The following RGS10 variants were observed in gnomAD, a reference collection of about 807,000 sequenced individuals.
RGS10 encodes the protein regulator of G protein signaling 10.
In RGS10, 11 loss-of-function variants were observed where a neutral mutation model predicts 23.5. The observed-to-expected ratio is 0.47, with a 90% CI of 0.29 to 0.77. The LOEUF is 0.77. Ranked by LOEUF, RGS10 falls within the 30% of genes least tolerant of loss-of-function variation. The pLI is 0.08. For synonymous variants in RGS10, 77 were observed against 83.2 expected, an observed-to-expected ratio of 0.92 and a Z score of 0.41; for missense variants, 180 against 226.3, an observed-to-expected ratio of 0.80 and a Z score of 1.31.
intron 1 of RGS10, among the ~76,000 whole-genome samples, chr10:119,528,467 A>G (rs1378066844): frequency 1.3e-5 from 2 of 152,100 alleles, no homozygotes; most frequent in Non-Finnish European, 2.9e-5. Context: ...ATGGCTCAGC[A>G]TCACACTGTT....
intron 1 of RGS10, among the ~76,000 whole-genome samples, chr10:119,540,173 G>A (rs1229950465): frequency 6.6e-6 from 1 of 152,148 alleles, no homozygotes; most frequent in Non-Finnish European, 1.5e-5. Context: ...GGCTATTGGA[G>A]TGGAGGCATC....
chr10:119,509,122 G>A (rs1215689547), intron 4 of RGS10, among the ~76,000 whole-genome samples: 2 of 152,072 alleles, frequency 1.3e-5, no homozygotes, highest in Non-Finnish European at 2.9e-5. Context: ...AATAGGCAGG[G>A]CGCAGTGGTT....
At position 119,513,189 on chromosome 10, in the gene RGS10, G is replaced by A. The variant is rs557452279; in HGVS notation, c.399+2320C>T. Among the ~76,000 whole-genome samples, 6 of 152,328 alleles carry A rather than the reference G, an allele frequency of 3.9e-5. No homozygotes were observed. The South Asian group carries it at 1.2e-3, about 32-fold the overall frequency. ...AAATTTTTCTGAGGCTGGGCCTGGT[G>A]GCTCTTGCCTGTAATCCCAACACTT... On this transcript the variant is annotated intron_variant, in intron 4 of 4. Transcript: ENST00000369103.
intron 4 of RGS10, 163 bp downstream of exon 4, chr10:119,515,346 G>C (rs1485569189): frequency 1.3e-6 from 1 of 763,850 alleles, no homozygotes; most frequent in Non-Finnish European, 2.1e-6. Flanking sequence ...TTAGAATTCT[G>C]GTCCCCACTC....
At chr10:119,502,624 G>A (rs575303839) in intron 4 of RGS10, among the ~76,000 whole-genome samples, 23 of 152,308 alleles carry the variant, frequency 1.5e-4, no homozygotes, top group Admixed American at 3.3e-4. Context: ...AGGCTGCTTC[G>A]GCTGGGAGGA....
intron 1 of RGS10, among the ~76,000 whole-genome samples, chr10:119,537,787 G>A (rs953603893): frequency 6.6e-6 from 1 of 152,192 alleles, no homozygotes; most frequent in African/African-American, 2.4e-5. Flanking sequence ...TTTACCAAGT[G>A]AACTGTGCTG....
At position 119,514,929 on chromosome 10, in the gene RGS10, C is replaced by T. The variant is rs1844125054; in HGVS notation, c.399+580G>A. The stretch of plus-strand genomic sequence containing the variant: ...AATGCCCATGCGTCCTTCCGACTGG[C>T]TCAAATTCACCACTTCCAGGAGGCC... On this transcript the variant is annotated intron_variant, in intron 4 of 4. Coordinates refer to ENST00000369103, the MANE Select transcript of RGS10 (RefSeq NM_001005339.2). Among the ~76,000 whole-genome samples, 3 of 152,164 alleles carry T rather than the reference C, an allele frequency of 2.0e-5. No individual in the cohort carries two copies. The South Asian group carries it at 6.2e-4, about 31-fold the overall frequency.
intron 1 of RGS10, among the ~76,000 whole-genome samples, chr10:119,532,608 G>A (rs560938499): frequency 4.6e-5 from 7 of 152,248 alleles, no homozygotes; most frequent in South Asian, 2.1e-4. Context: ...TTGGGAGGAC[G>A]AGATGGGCAG....
In RGS10 at chr10:119,527,487, A is replaced by G; in HGVS notation, c.50-63T>C. The G allele has an allele frequency of 1.5e-6, 2 of 1,297,820 alleles. No homozygotes were observed. Among genetic ancestry groups the G allele is most frequent in the Non-Finnish European group, 2.2e-6 (2 of 894,346 alleles). The allele number at this position is 1,297,820 out of a possible 1,614,324, so 80.4% of individuals were successfully genotyped here. On this transcript the variant is annotated intron_variant, in intron 1 of 4. Transcript: ENST00000369103. This position sits in a 1 kb window ranked among gnomAD's most constrained non-coding sequence, Gnocchi z 4.2. The stretch of plus-strand genomic sequence containing the variant: ...GACACTGTCATTTTAAGAAATCTGC[A>G]TGCAATGGTCAGCACTGCCGTCACC...
At chr10:119,515,214 C>T (rs1047472826) in intron 4 of RGS10, among the ~76,000 whole-genome samples, 62 of 152,226 alleles carry the variant, frequency 4.1e-4, no homozygotes, top group African/African-American at 1.5e-3. Context: ...TCAGTACAGG[C>T]TCCTCAAATA....
At chr10:119,515,775 C>T in intron 3 of RGS10, 123 bp from the exon 4 acceptor site, 2 of 1,169,608 alleles carry the variant, frequency 1.7e-6, no homozygotes, top group South Asian at 3.1e-5. Context: ...CCCCCCACAG[C>T]CCAGGGGCTC....
intron 1 of RGS10, among the ~76,000 whole-genome samples, chr10:119,535,706 C>G (rs1258022899): frequency 6.6e-6 from 1 of 152,182 alleles, no homozygotes; most frequent in Non-Finnish European, 1.5e-5. Context: ...GCAGAGTCAA[C>G]TTACATCCTC....
At chr10:119,523,601 G>T (rs1177995794) in intron 3 of RGS10, among the ~76,000 whole-genome samples, 1 of 152,166 alleles carries the variant, frequency 6.6e-6, no homozygotes, top group Non-Finnish European at 1.5e-5. Flanking sequence ...GGAGGCGGAG[G>T]CTGCAGTGAG....
intron 3 of RGS10, among the ~76,000 whole-genome samples, chr10:119,523,491 C>G (rs1295020853): frequency 7.4e-6 from 1 of 135,548 alleles, no homozygotes; most frequent in Admixed American, 7.7e-5. Context: ...ATGGTGAAAC[C>G]CTGTCTCTAT....
At chr10:119,502,073 TCATCTATCTTGTAGC>T (rs1843958738) in intron 4 of RGS10, among the ~76,000 whole-genome samples, 2 of 151,968 alleles carry the variant, frequency 1.3e-5, no homozygotes, top group Admixed American at 6.5e-5. Context: ...ACTAGAGCAG[TCATCTATCTTGTAGC>T]CATCCTGTAA....
chr10:119,523,738 T>A (rs1409976834), intron 3 of RGS10, among the ~76,000 whole-genome samples: 1 of 152,174 alleles, frequency 6.6e-6, no homozygotes, highest in Non-Finnish European at 1.5e-5. Flanking sequence ...TCGGAAGCTC[T>A]CTCTGTAGGA....
rs746283447 is a variant in RGS10 at position 119,527,171 on chromosome 10, C to G, written c.168+135G>C. 1.6e-6 allele frequency: 1 copy of G among 620,990 alleles called. No individual in the cohort carries two copies. Among genetic ancestry groups the G allele is most frequent in the Non-Finnish European group, 2.9e-6 (1 of 349,490 alleles). The allele number at this position is 620,990 out of a possible 1,614,324, so 38.5% of individuals were successfully genotyped here. A position where few individuals can be genotyped will look rare whatever the true frequency, so the allele number is the denominator to read the frequency against. On this transcript the variant is annotated intron_variant, in intron 2 of 4. Coordinates refer to ENST00000369103, the MANE Select transcript of RGS10 (RefSeq NM_001005339.2). The surrounding 1 kb of genome is among the most constrained non-coding windows in gnomAD (Gnocchi z 4.2). ...AGTCTCACCCTCAAGCTGGGATAGA[C>G]AGTACTGAACTCTCAAGCTGGCATA...
At chr10:119,535,627 T>C (rs1376473037) in intron 1 of RGS10, among the ~76,000 whole-genome samples, 1 of 152,214 alleles carries the variant, frequency 6.6e-6, no homozygotes, top group African/African-American at 2.4e-5. Context: ...TGTGTAATCA[T>C]CCTGCATAGA....
intron 3 of RGS10, among the ~76,000 whole-genome samples, chr10:119,521,693 C>T (rs1777906218): frequency 7.0e-6 from 1 of 142,198 alleles, no homozygotes; most frequent in Non-Finnish European, 1.5e-5. Flanking sequence ...GAAAATAGAT[C>T]CTATACTATC....
Sources: gnomAD v4.1 joint callset for allele counts (sites outside exome capture counted in the v4.1 genomes callset) on GRCh38, gnomAD v4.1.1 for gene constraint, Gnocchi (gnomAD v3.1) non-coding constraint, MANE v1.5 for transcripts, NCBI Gene and HGNC (gene_info 2026-07-23, HGNC 2026-07-21) for gene names.